The following PUM2 variants were observed in gnomAD, a reference collection of about 807,000 sequenced individuals.
PUM2 encodes the protein pumilio homolog 2.
PUM2 carries 57 observed loss-of-function variants against 124.5 expected under a neutral mutation model. The ratio of observed to expected loss-of-function variants is 0.46; its 90% CI spans 0.37 to 0.57. The LOEUF is 0.57. Ranked by LOEUF, PUM2 falls within the 20% of genes least tolerant of loss-of-function variation. The pLI, the probability that PUM2 is intolerant of heterozygous loss-of-function variation, is 0.00. For missense variants in PUM2, 1,065 were observed against 1,290.6 expected, an observed-to-expected ratio of 0.83 and a Z score of 2.68; for synonymous variants, 460 against 446.1, an observed-to-expected ratio of 1.03 and a Z score of -0.39.
At chr2:20,304,465 C>T (rs1677740270) in intron 7 of PUM2, among the ~76,000 whole-genome samples, 1 of 152,176 alleles carries the variant, frequency 6.6e-6, no homozygotes, top group Non-Finnish European at 1.5e-5. Flanking sequence ...AATTCAAACA[C>T]ATGAAAATTA....
chr2:20,251,602 G>A lies in PUM2; in HGVS notation c.3178C>T (p.Pro1060Ser). Residue 1060 changes from proline to serine, a missense_variant, in exon 21 of 21, where the codon CCA (proline) becomes TCA (serine). Coordinates refer to ENST00000361078, the MANE Select transcript of PUM2 (RefSeq NM_015317.5). Reference protein sequence around the residue: ...SPDLGPIGGPPNGML With the variant: ...SPDLGPIGGPSNGML ...CCTGTAATTTACAGCATTCCATTTG[G>A]TGGTCCTCCAATAGGTCCTAGGTCC... 6.2e-7 allele frequency: 1 copy of A among 1,612,306 alleles called. No homozygotes were observed. The highest frequency in any genetic ancestry group is 8.5e-7 in the Non-Finnish European group (1 of 1,179,132).
chr2:20,320,766 T>C (rs986730362), intron 2 of PUM2, among the ~76,000 whole-genome samples: 1 of 152,090 alleles, frequency 6.6e-6, no homozygotes, highest in Non-Finnish European at 1.5e-5. Context: ...TTCACGTAAA[T>C]ATTCAACAAA....
chr2:20,255,321 A>G lies in PUM2; in HGVS notation c.2643T>C (p.His881=), dbSNP rs1184457552. The stretch of plus-strand genomic sequence containing the variant: ...GCTGAATTACTCTGCAGCCATAAGG[A>G]TGAGTTGAAAGCACAAATACCTGAG... ...FKGQVFVLST[H]PYGCRVIQRI... Residue 881 remains histidine (H), a synonymous_variant, in exon 18 of 21, where the codon CAT becomes CAC. Coordinates refer to ENST00000361078, the MANE Select transcript of PUM2 (RefSeq NM_015317.5). 1.2e-6 allele frequency: 2 copies of G among 1,612,456 alleles called. No homozygotes were observed. Among genetic ancestry groups the G allele is most frequent in the African/African-American group, 2.7e-5 (2 of 74,898 alleles).
intron 10 of PUM2, among the ~76,000 whole-genome samples, chr2:20,289,834 AT>A (rs1321546146): frequency 6.6e-6 from 1 of 152,248 alleles, no homozygotes; most frequent in Non-Finnish European, 1.5e-5. Flanking sequence ...AAACTGCATT[AT>A]GATTAAATGG....
chr2:20,297,651 G>A lies in PUM2; in HGVS notation c.911C>T (p.Pro304Leu). 6.2e-7 allele frequency: 1 copy of A among 1,613,280 alleles called. No individual in the cohort carries two copies. The highest frequency in any genetic ancestry group is 8.5e-7 in the Non-Finnish European group (1 of 1,179,234). The change falls in exon 8 of 21, where the codon CCA (proline) becomes CTA (leucine). Residue 304 changes from proline (P) to leucine (L), a missense_variant. Around this residue, in one of 3 missense-constraint regions of PUM2, gnomAD observed 968 missense variants for 1,159.8 expected, o/e 0.83. Coordinates refer to ENST00000361078, the MANE Select transcript of PUM2 (RefSeq NM_015317.5). ...GTATGGATTTGGCACAAATGCAGCT[G>A]GAGCAAGGCCTGCTGAGAATACACC... is the stretch of plus-strand genomic sequence containing the variant. ...IAGVFSAGLA[P>L]AAFVPNPYII...
intron 5 of PUM2, among the ~76,000 whole-genome samples, chr2:20,311,264 AC>A (rs1679535086): frequency 6.6e-6 from 1 of 152,054 alleles, no homozygotes; most frequent in Non-Finnish European, 1.5e-5. Context: ...TTCTAACATT[AC>A]TCCTTCAACA....
In PUM2 at chr2:20,251,102, A is replaced by C. The variant is rs1441444645; in HGVS notation, c.*483T>G. The C allele has an allele frequency of 2.0e-5, 3 of 151,744 alleles. No individual in the cohort carries two copies. Among genetic ancestry groups the C allele is most frequent in the Non-Finnish European group, 4.4e-5 (3 of 68,016 alleles). 9.4% of individuals were successfully genotyped at this position (151,744 alleles called of 1,614,324 possible). ...AATAATATTTATGCAGTTGATTGTT[A>C]ATCTGTTATAAAAGGTTTCACGCAA... On this transcript the variant is annotated 3_prime_UTR_variant, in exon 21 of 21. Coordinates refer to ENST00000361078, the MANE Select transcript of PUM2 (RefSeq NM_015317.5).
chr2:20,273,937 C>G (rs1558520653), intron 13 of PUM2, among the ~76,000 whole-genome samples: 1 of 152,022 alleles, frequency 6.6e-6, no homozygotes, highest in Non-Finnish European at 1.5e-5. Context: ...TAACTTATAC[C>G]ATAATGAGGT....
chr2:20,299,919 G>C (rs1161218570), intron 7 of PUM2, among the ~76,000 whole-genome samples: 4 of 152,130 alleles, frequency 2.6e-5, no homozygotes, highest in African/African-American at 7.2e-5. Context: ...AATTGGTTGA[G>C]TTTATCTAAA....
At chr2:20,261,708 T>C (rs1259376846) in intron 14 of PUM2, among the ~76,000 whole-genome samples, 1 of 152,136 alleles carries the variant, frequency 6.6e-6, no homozygotes, top group African/African-American at 2.4e-5. Flanking sequence ...TATAGGCTAA[T>C]GTGTGCATTT....
intron 3 of PUM2, 39 bp from the exon 4 acceptor site, chr2:20,312,462 T>C (rs751797213): frequency 3.3e-6 from 5 of 1,531,912 alleles, no homozygotes; most frequent in African/African-American, 1.4e-5. Flanking sequence ...ACTTATACTT[T>C]TAAGTTAAAC....
intron 7 of PUM2, 44 bp from the exon 8 acceptor site, chr2:20,297,722 A>G (rs1375052580): frequency 6.5e-6 from 10 of 1,550,254 alleles, no homozygotes; most frequent in Non-Finnish European, 8.8e-6. Flanking sequence ...AATGTAAAGT[A>G]TGATTTTTTT....
At position 20,250,950 on chromosome 2, in the gene PUM2, AC is replaced by A. The variant is rs946808528; in HGVS notation, c.*634del. ...ATTTTAGGGCAGTAATTGTATTAAA[AC>A]CACATCTACTGTAAATAATGTTAGG... On this transcript the variant is annotated 3_prime_UTR_variant, in exon 21 of 21. Coordinates refer to ENST00000361078, the MANE Select transcript of PUM2 (RefSeq NM_015317.5). 6.6e-6 allele frequency: 1 copy of A among 152,618 alleles called. No homozygotes were observed. The highest frequency in any genetic ancestry group is 1.5e-5 in the Non-Finnish European group (1 of 68,002). 9.5% of individuals were successfully genotyped at this position (152,618 alleles called of 1,614,324 possible).
In PUM2 at chr2:20,308,484, T is replaced by C; in HGVS notation, c.619A>G (p.Thr207Ala). The C allele has an allele frequency of 1.2e-6, 2 of 1,614,134 alleles. No homozygotes were observed. Among genetic ancestry groups the C allele is most frequent in the Non-Finnish European group, 1.7e-6 (2 of 1,179,990 alleles). ...SEGLGPLPNP[T>A]ANKPLVEEFS... ...TCTTCAACAAGTGGTTTATTAGCTG[T>C]AGGATTAGGAAGAGGCCCCAGTCCT... The change falls in exon 6 of 21, where the codon ACA (threonine) becomes GCA (alanine). Residue 207 changes from threonine to alanine, a missense_variant. Around this residue, in one of 3 missense-constraint regions of PUM2, gnomAD observed 968 missense variants for 1,159.8 expected, o/e 0.83. Transcript: ENST00000361078.
At chr2:20,348,524 G>A (rs2149179078) in intron 1 of PUM2, among the ~76,000 whole-genome samples, 1 of 152,342 alleles carries the variant, frequency 6.6e-6, no homozygotes, top group African/African-American at 2.4e-5. Flanking sequence ...CTTGGTCACT[G>A]AGAAAATTGG....
intron 13 of PUM2, among the ~76,000 whole-genome samples, chr2:20,269,206 T>A (rs572607574): frequency 1.3e-3 from 192 of 151,314 alleles, no homozygotes; most frequent in Middle Eastern, 3.4e-3. Flanking sequence ...TAATAATAAT[T>A]ATTATTATTT....
chr2:20,307,285 G>T (rs761327490), intron 7 of PUM2, among the ~76,000 whole-genome samples: 18 of 152,052 alleles, frequency 1.2e-4, no homozygotes, highest in Admixed American at 2.0e-4. Flanking sequence ...TAACACAGAA[G>T]AATATGACAT....
chr2:20,254,707 T>A (rs568784393), intron 19 of PUM2, among the ~76,000 whole-genome samples, 156 bp downstream of exon 19: 2 of 151,856 alleles, frequency 1.3e-5, no homozygotes, highest in South Asian at 4.2e-4. Context: ...TAGATTTTTT[T>A]AAAAAACAAA....
At chr2:20,312,844 C>T (rs980321597) in intron 3 of PUM2, among the ~76,000 whole-genome samples, 36 of 152,280 alleles carry the variant, frequency 2.4e-4, no homozygotes, top group African/African-American at 7.7e-4. Context: ...GTAACCAAGA[C>T]AGCATGGTAC....
Sources: gnomAD v4.1 joint callset for allele counts (sites outside exome capture counted in the v4.1 genomes callset) on GRCh38, gnomAD v4.1.1 for gene constraint, gnomAD v4.1.1 regional missense constraint, MANE v1.5 for transcripts, NCBI Gene and HGNC (gene_info 2026-07-23, HGNC 2026-07-21) for gene names.